The following NALF2 variants were observed in gnomAD, a reference collection of about 807,000 sequenced individuals.
NALF2 encodes the protein bB57D9.1 (TED protein).
Under a neutral mutation model 24.8 loss-of-function variants are expected in NALF2, and 1 was observed. The observed-to-expected ratio is 0.04, with a 90% confidence interval of 0.01 to 0.19. The LOEUF is 0.19. NALF2 is among the 10% of genes least tolerant of loss of function. NALF2 has a pLI of 1.00. For synonymous variants in NALF2, 254 were observed against 189.8 expected, an observed-to-expected ratio of 1.34 and a Z score of -2.78; for missense variants, 458 against 409.6, an observed-to-expected ratio of 1.12 and a Z score of -1.02.
At chrX:69,516,243 T>C (rs1215824037) in intron 1 of NALF2, among the ~76,000 whole-genome samples, 1 of 111,844 alleles carries the variant, frequency 8.9e-6, no homozygotes, top group East Asian at 2.8e-4. Context: ...TTTGACCCTG[T>C]CTTCCCACTG....
intron 1 of NALF2, among the ~76,000 whole-genome samples, chrX:69,517,604 G>A (rs932728440): frequency 8.9e-6 from 1 of 112,306 alleles, no homozygotes; most frequent in Non-Finnish European, 1.9e-5. Flanking sequence ...GACAACACTG[G>A]GGTGGGATAC....
At position 69,505,612 on chromosome X, in the gene NALF2, C is replaced by A. The variant is rs773553596; in HGVS notation, c.330C>A (p.Pro110=). The stretch of plus-strand genomic sequence containing the variant: ...CGCCGCCCGGCGAGCCCAGCGCGCC[C>A]CCAGGCACCTGCGGCCCCAGATACA... ...PPPPPGEPSA[P]PGTCGPRYSN... is the part of the protein sequence containing the mutation. Residue 110 remains proline, a synonymous_variant, in exon 1 of 3, where the codon CCC becomes CCA. Transcript: ENST00000252338. 9.8e-6 allele frequency: 11 copies of A among 1,127,089 alleles called. No individual in the cohort carries two copies. The South Asian group carries it at 2.1e-4, about 22-fold the overall frequency. The allele number at this position is 1,127,089 out of a possible 1,213,427, so 92.9% of individuals were successfully genotyped here. A position where few individuals can be genotyped will look rare whatever the true frequency, so the allele number is the denominator to read the frequency against.
In NALF2 at chrX:69,532,091, C is replaced by T. The variant is rs1930913179; in HGVS notation, c.*2135C>T. On this transcript the variant is annotated 3_prime_UTR_variant, in exon 3 of 3. Transcript: ENST00000252338. ...ACCCCTGGCTCAGACCAGCCCAAGG[C>T]CTTGCCCAGTGGCAGGGGAAAGGGG... The T allele has an allele frequency of 8.9e-6, 1 of 112,652 alleles. No individual in the cohort carries two copies. Among genetic ancestry groups the T allele is most frequent in the African/African-American group, 3.2e-5 (1 of 30,884 alleles). 9.3% of individuals were successfully genotyped at this position (112,652 alleles called of 1,213,427 possible). A position where few individuals can be genotyped will look rare whatever the true frequency, so the allele number is the denominator to read the frequency against.
intron 1 of NALF2, among the ~76,000 whole-genome samples, chrX:69,508,873 G>A (rs1930536644): frequency 8.9e-6 from 1 of 112,244 alleles, no homozygotes; most frequent in African/African-American, 3.2e-5. Flanking sequence ...CCAAGATGAA[G>A]AGGCTTTCTT....
rs1255532946 is a variant in NALF2, at chrX:69,529,552, C to T, written c.1034-19C>T. On this transcript the variant is annotated intron_variant, in intron 2 of 2. Coordinates refer to ENST00000252338, the MANE Select transcript of NALF2 (RefSeq NM_015686.3). Reference sequence around the variant, plus strand: ...CAGCTCCCCGAGCACCCCACCACACCTTCCTTATCCATTGGCAGGGTTGCT... The same window carrying T: ...CAGCTCCCCGAGCACCCCACCACACTTTCCTTATCCATTGGCAGGGTTGCT... 8.4e-7 allele frequency: 1 copy of T among 1,194,131 alleles called. No homozygotes were observed. The highest frequency in any genetic ancestry group is 3.0e-5 in the East Asian group (1 of 33,580).
chrX:69,510,685 G>A (rs986769568), intron 1 of NALF2, among the ~76,000 whole-genome samples: 1 of 111,975 alleles, frequency 8.9e-6, no homozygotes, highest in Non-Finnish European at 1.9e-5. Context: ...GGCAAAGCCT[G>A]CCCTTGGGGA....
intron 1 of NALF2, among the ~76,000 whole-genome samples, chrX:69,513,510 T>C (rs1350218309): frequency 1.8e-5 from 2 of 112,426 alleles, no homozygotes; most frequent in Non-Finnish European, 3.8e-5. Flanking sequence ...CCCTGTCTTA[T>C]TTGGTTTTAA....
intron 1 of NALF2, among the ~76,000 whole-genome samples, chrX:69,514,695 T>C (rs1325781025): frequency 8.9e-6 from 1 of 112,306 alleles, no homozygotes; most frequent in African/African-American, 3.2e-5. Context: ...TTACATTTTA[T>C]GTTATACATT....
intron 1 of NALF2, among the ~76,000 whole-genome samples, chrX:69,526,888 C>T (rs1325065800): frequency 2.7e-5 from 3 of 112,232 alleles, no homozygotes; most frequent in Admixed American, 9.4e-5. Context: ...CAAAGTTATA[C>T]GAGGGCTAGA....
At chrX:69,508,840 A>C (rs1930536152) in intron 1 of NALF2, among the ~76,000 whole-genome samples, 1 of 112,026 alleles carries the variant, frequency 8.9e-6, no homozygotes, top group African/African-American at 3.2e-5. Context: ...GCTTCTCCTG[A>C]GTGGAGAGAC....
chrX:69,523,283 C>T (rs1432321293), intron 1 of NALF2, among the ~76,000 whole-genome samples: 1 of 112,570 alleles, frequency 8.9e-6, no homozygotes, highest in African/African-American at 3.2e-5. Flanking sequence ...TCGGTATGGC[C>T]TCCGCTTTCT....
chrX:69,507,555 A>G lies in NALF2; in HGVS notation c.861+1412A>G, dbSNP rs745873681. On this transcript the variant is annotated intron_variant, in intron 1 of 2. Transcript: ENST00000252338. ...TCACCACCACCCCGGGCAAAGTCAC[A>G]TAGGCATGCAGAGAGGTCGTCACAC... 4.5e-5 allele frequency among the ~76,000 whole-genome samples: 5 copies of G among 111,408 alleles called. No individual in the cohort carries two copies. The South Asian group carries it at 1.9e-3, about 43-fold the overall frequency.
intron 1 of NALF2, among the ~76,000 whole-genome samples, chrX:69,518,455 C>A (rs1452646427): frequency 2.7e-5 from 3 of 111,194 alleles, no homozygotes; most frequent in Non-Finnish European, 5.7e-5. Context: ...ACACACACAC[C>A]CCAAGCCTCA....
chrX:69,514,347 T>C (rs763027768), intron 1 of NALF2, among the ~76,000 whole-genome samples: 1 of 112,049 alleles, frequency 8.9e-6, no homozygotes, highest in Non-Finnish European at 1.9e-5. Context: ...TCATTTAGCA[T>C]GAACATTTAG....
At chrX:69,521,891 T>C (rs1415216756) in intron 1 of NALF2, among the ~76,000 whole-genome samples, 1 of 111,847 alleles carries the variant, frequency 8.9e-6, no homozygotes, top group Admixed American at 9.5e-5. Context: ...TAGTTCCCAG[T>C]ACAGTGCCAG....
At chrX:69,529,538 G>A in intron 2 of NALF2, 33 bp from the exon 3 acceptor site, 3 of 1,182,079 alleles carry the variant, frequency 2.5e-6, no homozygotes, top group Non-Finnish European at 3.4e-6. Context: ...AGCTCCCCGA[G>A]CACCCCACCA....
Position 69,530,102 on chromosome X carries a change from C to T in NALF2, c.*146C>T. 2.2e-6 allele frequency: 1 copy of T among 461,742 alleles called. No individual in the cohort carries two copies. Among genetic ancestry groups the T allele is most frequent in the South Asian group, 3.8e-5 (1 of 26,090 alleles). The allele number at this position is 461,742 out of a possible 1,213,427, so 38.1% of individuals were successfully genotyped here. Reference sequence around the variant, plus strand: ...GAATGACACATCCCCCCCAACCTACCCCCACCCCAAAAGCAGCTCCAACAG... The same window carrying T: ...GAATGACACATCCCCCCCAACCTACTCCCACCCCAAAAGCAGCTCCAACAG... On this transcript the variant is annotated 3_prime_UTR_variant, in exon 3 of 3. Coordinates refer to ENST00000252338, the MANE Select transcript of NALF2 (RefSeq NM_015686.3).
intron 1 of NALF2, among the ~76,000 whole-genome samples, chrX:69,520,930 C>G (rs1440306619): frequency 8.9e-6 from 1 of 112,106 alleles, no homozygotes; most frequent in African/African-American, 3.2e-5. Context: ...TGTAACTGAT[C>G]TCTGTGCCTC....
chrX:69,524,487 G>A (rs1930777468), intron 1 of NALF2, among the ~76,000 whole-genome samples: 1 of 111,724 alleles, frequency 9.0e-6, no homozygotes, highest in African/African-American at 3.3e-5. Context: ...AGTTCACCCA[G>A]AACTGACTGT....
Sources: gnomAD v4.1 joint callset for allele counts (sites outside exome capture counted in the v4.1 genomes callset) on GRCh38, gnomAD v4.1.1 for gene constraint, MANE v1.5 for transcripts, NCBI Gene and HGNC (gene_info 2026-07-23, HGNC 2026-07-21) for gene names.